Variants in ELAPOR1 observed in about 807,000 individuals in gnomAD.
ELAPOR1 encodes the protein endosome/lysosome-associated apoptosis and autophagy regulator 1.
A neutral mutation model predicts 119.7 loss-of-function variants in ELAPOR1; 77 were observed. The observed-to-expected ratio is 0.64, with a 90% CI of 0.54 to 0.78. The LOEUF is 0.78. ELAPOR1 is among the 30% of genes least tolerant of loss of function. ELAPOR1 has a pLI of 0.00. For synonymous variants in ELAPOR1, 481 were observed against 487.2 expected, an observed-to-expected ratio of 0.99 and a Z score of 0.17; for missense variants, 1,115 against 1,270.4, an observed-to-expected ratio of 0.88 and a Z score of 1.86.
At position 109,191,488 on chromosome 1, in the gene ELAPOR1, T is replaced by A; in HGVS notation, c.1545+17T>A. 1 of 1,607,748 alleles carries A rather than the reference T, an allele frequency of 6.2e-7. No homozygotes were observed. The highest frequency in any genetic ancestry group is 8.5e-7 in the Non-Finnish European group (1 of 1,174,220). ...TTCATGGTGGTACGTTTTCCTTTCT[T>A]TGCCCGCTAGAGGGCCTCCAGGGGA... is the stretch of plus-strand genomic sequence containing the variant. On this transcript the variant is annotated intron_variant, in intron 12 of 21. Coordinates refer to ENST00000369939, the MANE Select transcript of ELAPOR1 (RefSeq NM_020775.5).
At chr1:109,187,837 T>C in intron 8 of ELAPOR1, 1 of 1,011,168 alleles carries the variant, frequency 9.9e-7, no homozygotes, top group Non-Finnish European at 1.2e-6. Context: ...CACCAGCTGC[T>C]TTTCCTGTGA....
chr1:109,138,834 C>CAAA (rs150398954), intron 1 of ELAPOR1, among the ~76,000 whole-genome samples: 9 of 107,286 alleles, frequency 8.4e-5, no homozygotes, highest in East Asian at 2.4e-4. Context: ...AACTCCATCT[C>CAAA]AAAAAAAAAA....
intron 1 of ELAPOR1, among the ~76,000 whole-genome samples, chr1:109,154,010 T>A (rs945396474): frequency 1.3e-5 from 2 of 151,976 alleles, no homozygotes; most frequent in Admixed American, 6.6e-5. Flanking sequence ...GGCCGGGTGC[T>A]GTGGCTCATG....
chr1:109,145,839 T>A (rs1558030615), intron 1 of ELAPOR1, among the ~76,000 whole-genome samples: 1 of 152,054 alleles, frequency 6.6e-6, no homozygotes. Context: ...CCTGGCTAAT[T>A]TTTGTACTTT....
At chr1:109,162,855 G>A (rs540006475) in intron 2 of ELAPOR1, among the ~76,000 whole-genome samples, 1 of 152,252 alleles carries the variant, frequency 6.6e-6, no homozygotes, top group Non-Finnish European at 1.5e-5. Flanking sequence ...GCTGACTTCA[G>A]TGAGTCCCAC....
intron 1 of ELAPOR1, among the ~76,000 whole-genome samples, chr1:109,158,035 A>G (rs1650989920): frequency 1.3e-5 from 2 of 152,176 alleles, no homozygotes; most frequent in Non-Finnish European, 2.9e-5. Flanking sequence ...CTACAGGCAC[A>G]TGCCACCACG....
chr1:109,194,666 C>T (rs1229994599), intron 15 of ELAPOR1, 72 bp downstream of exon 15: 1 of 1,432,796 alleles, frequency 7.0e-7, no homozygotes, highest in Non-Finnish European at 9.7e-7. Flanking sequence ...GAGACAGACA[C>T]AGGAGAAAAC....
chr1:109,188,001 G>A (rs1653161747), intron 8 of ELAPOR1, 176 bp from the exon 9 acceptor site: 1 of 1,368,240 alleles, frequency 7.3e-7, no homozygotes, highest in Non-Finnish European at 9.5e-7. Context: ...CATGACTCAG[G>A]CACTGGGCTA....
intron 7 of ELAPOR1, among the ~76,000 whole-genome samples, chr1:109,176,349 C>G (rs1281355201): frequency 6.6e-6 from 1 of 152,122 alleles, no homozygotes; most frequent in Non-Finnish European, 1.5e-5. Context: ...CATCTTTTCC[C>G]CAGAAACACT....
Position 109,197,985 on chromosome 1 carries a change from C to T in ELAPOR1, c.2309C>T (p.Thr770Ile), listed in dbSNP as rs749133492. Residue 770 changes from threonine to isoleucine, a missense_variant, in exon 17 of 22, where the codon ACA (threonine) becomes ATA (isoleucine). By Grantham distance (89) the Thr-to-Ile change is moderately conservative. Coordinates refer to ENST00000369939, the MANE Select transcript of ELAPOR1 (RefSeq NM_020775.5). ...VSLADRLIGVTTDMTLDGITS... is the reference protein window; with the variant it reads ...VSLADRLIGVITDMTLDGITS... Reference sequence around the variant, plus strand: ...AGGAGCTCTAATTTGGCAGGGGTGACAACAGATATGACTCTGGATGGAATC... The same window carrying T: ...AGGAGCTCTAATTTGGCAGGGGTGATAACAGATATGACTCTGGATGGAATC... 1.2e-6 allele frequency: 2 copies of T among 1,614,064 alleles called. No individual in the cohort carries two copies. The highest frequency in any genetic ancestry group is 2.2e-5 in the East Asian group (1 of 44,884).
At chr1:109,124,830 C>T (rs1375987634) in intron 1 of ELAPOR1, among the ~76,000 whole-genome samples, 2 of 152,232 alleles carry the variant, frequency 1.3e-5, no homozygotes, top group African/African-American at 2.4e-5. Flanking sequence ...CCTACTGGAG[C>T]TCCCAAGTGA....
chr1:109,163,871 C>CT (rs1300085840), intron 2 of ELAPOR1, among the ~76,000 whole-genome samples: 2 of 152,104 alleles, frequency 1.3e-5, no homozygotes, highest in Admixed American at 6.5e-5. Context: ...AAATTCAAGG[C>CT]TGAAGGGCCA....
chr1:109,186,609 C>A, intron 8 of ELAPOR1: 6 of 985,434 alleles, frequency 6.1e-6, no homozygotes, highest in South Asian at 4.7e-5. Context: ...GTCAGTTGCA[C>A]CTTAGACTCA....
At chr1:109,119,840 TG>T (rs1648278972) in intron 1 of ELAPOR1, among the ~76,000 whole-genome samples, 1 of 151,850 alleles carries the variant, frequency 6.6e-6, no homozygotes, top group Non-Finnish European at 1.5e-5. Flanking sequence ...AGCCTAGGAG[TG>T]GGGTGCTGGG....
At chr1:109,167,749 G>A (rs1651683110) in intron 3 of ELAPOR1, among the ~76,000 whole-genome samples, 2 of 152,060 alleles carry the variant, frequency 1.3e-5, no homozygotes, top group Admixed American at 6.6e-5. Context: ...AGCTGGGACT[G>A]CAGGCTCATG....
intron 1 of ELAPOR1, among the ~76,000 whole-genome samples, chr1:109,126,248 AG>A (rs1168536924): frequency 5.9e-5 from 9 of 152,186 alleles, no homozygotes; most frequent in African/African-American, 1.9e-4. Context: ...GGCAAAGATA[AG>A]GGACAAACTC....
intron 14 of ELAPOR1, 135 bp from the exon 15 acceptor site, chr1:109,194,286 C>A: frequency 4.5e-6 from 3 of 670,710 alleles, no homozygotes; most frequent in Non-Finnish European, 7.6e-6. Flanking sequence ...CTTTTACTAG[C>A]CACTCCTAAT....
chr1:109,166,914 C>T (rs1341281456), intron 3 of ELAPOR1, among the ~76,000 whole-genome samples: 1 of 152,122 alleles, frequency 6.6e-6, no homozygotes, highest in African/African-American at 2.4e-5. Context: ...TTCTAAAAAC[C>T]GGGAGCAATG....
At chr1:109,179,842 G>A (rs1359391676) in intron 7 of ELAPOR1, among the ~76,000 whole-genome samples, 1 of 151,742 alleles carries the variant, frequency 6.6e-6, no homozygotes, top group Non-Finnish European at 1.5e-5. Flanking sequence ...GGAGGCAGAG[G>A]TTGCAGTGAG....
Sources: gnomAD v4.1 joint callset for allele counts (sites outside exome capture counted in the v4.1 genomes callset) on GRCh38, gnomAD v4.1.1 for gene constraint, MANE v1.5 for transcripts, NCBI Gene and HGNC (gene_info 2026-07-23, HGNC 2026-07-21) for gene names.